HPSE2: variants seen among roughly 807,000 people sequenced by gnomAD.
HPSE2 encodes heparanase 2 (inactive), also known as inactive heparanase-2.
In HPSE2, 38 loss-of-function variants were observed where a neutral mutation model predicts 60.5. The ratio of observed to expected loss-of-function variants is 0.63; its 90% CI spans 0.48 to 0.82. The LOEUF (loss-of-function observed/expected upper bound fraction) is 0.82, where lower values mean the gene tolerates loss of function less well. Ranked by LOEUF, HPSE2 falls within the 40% of genes least tolerant of loss-of-function variation. HPSE2 has a pLI of 0.00. For missense variants in HPSE2, 713 were observed against 740.4 expected, an observed-to-expected ratio of 0.96 and a Z score of 0.43; for synonymous variants, 295 against 293.2, an observed-to-expected ratio of 1.01 and a Z score of -0.06.
chr10:99,073,939 G>GTTT (rs34409713), intron 3 of HPSE2, among the ~76,000 whole-genome samples: 23 of 127,872 alleles, frequency 1.8e-4, no homozygotes, highest in Non-Finnish European at 2.6e-4. Flanking sequence ...AGTTCCAAAA[G>GTTT]TTTTTTTTTT....
At chr10:98,726,444 A>G (rs891831261) in intron 4 of HPSE2, among the ~76,000 whole-genome samples, 5 of 132,820 alleles carry the variant, frequency 3.8e-5, no homozygotes, top group Non-Finnish European at 7.8e-5. Flanking sequence ...ATGAGAACAC[A>G]TGGACACAGG....
At chr10:98,827,389 G>A (rs369865098) in intron 3 of HPSE2, among the ~76,000 whole-genome samples, 3 of 152,052 alleles carry the variant, frequency 2.0e-5, no homozygotes, top group East Asian at 3.9e-4. Flanking sequence ...TGTATTTTTA[G>A]TAGAGACAGG....
chr10:99,049,482 G>C (rs541669702), intron 3 of HPSE2, among the ~76,000 whole-genome samples: 2 of 152,118 alleles, frequency 1.3e-5, no homozygotes, highest in African/African-American at 4.8e-5. Context: ...GTCAAATTTT[G>C]ACAGACAAAG....
the HPSE2 span, among the ~76,000 whole-genome samples, chr10:99,288,790 T>C: frequency 1.4e-5 from 2 of 147,960 alleles, no homozygotes; most frequent in African/African-American, 2.5e-5. Flanking sequence ...TGGTAGATTA[T>C]ATGTTTGAGT....
chr10:99,083,589 A>C (rs1843216925), intron 3 of HPSE2, among the ~76,000 whole-genome samples: 2 of 152,148 alleles, frequency 1.3e-5, no homozygotes, highest in Non-Finnish European at 2.9e-5. Context: ...TTACTTCCTT[A>C]TTTTATATGA....
intron 2 of HPSE2, among the ~76,000 whole-genome samples, chr10:99,166,185 T>C (rs1230861550): frequency 6.6e-6 from 1 of 152,190 alleles, no homozygotes; most frequent in African/African-American, 2.4e-5. Flanking sequence ...GGCTGTACTA[T>C]AGTTTGTTTA....
intron 9 of HPSE2, among the ~76,000 whole-genome samples, chr10:98,597,890 C>T (rs1179382751): frequency 7.4e-6 from 1 of 135,870 alleles, no homozygotes; most frequent in African/African-American, 2.8e-5. Context: ...AGAATTGCTT[C>T]AACCCAGGAG....
At chr10:98,733,408 C>T (rs2134291068) in intron 4 of HPSE2, among the ~76,000 whole-genome samples, 1 of 152,252 alleles carries the variant, frequency 6.6e-6, no homozygotes, top group Non-Finnish European at 1.5e-5. Context: ...AGGCATTAGC[C>T]ACCATGACTG....
chr10:99,215,117 G>A (rs1275003593), intron 2 of HPSE2, among the ~76,000 whole-genome samples: 2 of 151,916 alleles, frequency 1.3e-5, no homozygotes, highest in South Asian at 2.1e-4. Flanking sequence ...TAACTCACCC[G>A]GCCCAACCTA....
intron 9 of HPSE2, among the ~76,000 whole-genome samples, chr10:98,600,459 T>TACA (rs1293506178): frequency 1.3e-5 from 2 of 152,288 alleles, no homozygotes; most frequent in South Asian, 4.2e-4. Flanking sequence ...ATCATACACT[T>TACA]ACATACTCAG....
the HPSE2 span, among the ~76,000 whole-genome samples, chr10:99,273,695 C>A: frequency 2.6e-5 from 4 of 152,096 alleles, no homozygotes; most frequent in Non-Finnish European, 5.9e-5. Context: ...TTAGGCAGAA[C>A]ACATATAAAA....
chr10:99,239,341 A>C (rs1024755304), upstream of HPSE2, among the ~76,000 whole-genome samples: 26 of 148,700 alleles, frequency 1.7e-4, no homozygotes, highest in African/African-American at 6.0e-4. Context: ...AGATTAACTG[A>C]TTCAGTGATT....
intron 2 of HPSE2, among the ~76,000 whole-genome samples, chr10:99,167,509 T>C (rs558187366): frequency 6.6e-6 from 1 of 152,392 alleles, no homozygotes; most frequent in East Asian, 1.9e-4. Context: ...TAGTCTCATT[T>C]GTTGAAAAGA....
intron 9 of HPSE2, among the ~76,000 whole-genome samples, chr10:98,538,147 C>A (rs1943346655): frequency 6.6e-6 from 1 of 152,174 alleles, no homozygotes; most frequent in South Asian, 2.1e-4. Flanking sequence ...TCGAGCCCAG[C>A]TGTTTGGGGC....
chr10:99,210,169 C>T (rs1848908826), intron 2 of HPSE2, among the ~76,000 whole-genome samples: 1 of 152,054 alleles, frequency 6.6e-6, no homozygotes, highest in Non-Finnish European at 1.5e-5. Context: ...ATCGAATAAC[C>T]TGGAAGAAGT....
chr10:99,214,915 G>A (rs975270857), intron 2 of HPSE2, among the ~76,000 whole-genome samples: 3 of 152,084 alleles, frequency 2.0e-5, no homozygotes, highest in Admixed American at 1.3e-4. Flanking sequence ...TCAGAATGGC[G>A]ATTATTAAAA....
intron 5 of HPSE2, among the ~76,000 whole-genome samples, chr10:98,709,452 T>C (rs1265088508): frequency 6.6e-6 from 1 of 152,192 alleles, no homozygotes; most frequent in Non-Finnish European, 1.5e-5. Flanking sequence ...AGCTGAATTA[T>C]GGTGACAGAA....
intron 7 of HPSE2, among the ~76,000 whole-genome samples, chr10:98,630,099 T>C (rs1220661990): frequency 2.0e-5 from 3 of 152,086 alleles, no homozygotes. Context: ...TAGCTACCTC[T>C]TCCCCCATTG....
At chr10:99,047,991 T>C (rs1957897125) in intron 3 of HPSE2, 1 of 706,740 alleles carries the variant, frequency 1.4e-6, no homozygotes, top group South Asian at 1.5e-5. Context: ...CATCAAGTCT[T>C]CAATGAAACC....
Sources: gnomAD v4.1 joint callset for allele counts (sites outside exome capture counted in the v4.1 genomes callset) on GRCh38, gnomAD v4.1.1 for gene constraint, MANE v1.5 for transcripts, NCBI Gene and HGNC (gene_info 2026-07-23, HGNC 2026-07-21) for gene names.